Variants in CNTLN observed in about 807,000 individuals in gnomAD.
CNTLN encodes the protein centlein, centrosomal protein.
CNTLN carries 212 observed loss-of-function variants against 180.0 expected under a neutral mutation model. That is an observed-to-expected ratio of 1.18 (90% CI 1.05 to 1.32). The LOEUF (loss-of-function observed/expected upper bound fraction) is 1.32, where lower values mean the gene tolerates loss of function less well. Ranked by LOEUF, CNTLN falls within the 40% of genes most tolerant of loss-of-function variation. The probability of loss-of-function intolerance (pLI) is 0.00; values close to 1 mark genes in which losing one functional copy is unlikely to be tolerated. For missense variants in CNTLN, 2,095 were observed against 1,610.9 expected (o/e 1.30, Z -5.14); for synonymous variants, 722 against 563.1 (o/e 1.28, Z -3.99).
chr9:17,430,689 C>T lies in CNTLN; in HGVS notation c.3114+14500C>T, dbSNP rs553060424. ...TATTTTTGTACACATTAACCAAGTTCTCTTCACCCCGACGCCTGCCACCCT... is the reference window on the plus strand; with the variant it reads ...TATTTTTGTACACATTAACCAAGTTTTCTTCACCCCGACGCCTGCCACCCT... On this transcript the variant is annotated intron_variant, in intron 18 of 25. Transcript: ENST00000380647. Among the ~76,000 whole-genome samples the T allele has an allele frequency of 3.2e-4, 49 of 152,212 alleles. 1 individual carries two copies. Among genetic ancestry groups the T allele is most frequent in the South Asian group, 3.1e-3 (15 of 4,816 alleles).
intron 25 of CNTLN, among the ~76,000 whole-genome samples, chr9:17,495,240 A>T (rs567319114): frequency 6.6e-6 from 1 of 152,148 alleles, no homozygotes; most frequent in South Asian, 2.1e-4. Context: ...TAAAAAAAAA[A>T]ACTTAACTGT....
intron 2 of CNTLN, among the ~76,000 whole-genome samples, chr9:17,201,756 T>C (rs574768802): frequency 6.6e-6 from 1 of 152,252 alleles, no homozygotes; most frequent in African/African-American, 2.4e-5. Flanking sequence ...GCTAGTGATC[T>C]ATTTTGTCAA....
chr9:17,184,320 C>CAT (rs72548959), intron 2 of CNTLN, among the ~76,000 whole-genome samples: 39,512 of 151,880 alleles, frequency 0.26, 6,728 homozygotes, highest in African/African-American at 0.49. Flanking sequence ...TTTGTTATAA[C>CAT]AGAGCACATT....
At chr9:17,264,763 G>A (rs1334855512) in intron 5 of CNTLN, among the ~76,000 whole-genome samples, 5 of 152,040 alleles carry the variant, frequency 3.3e-5, no homozygotes, top group African/African-American at 1.2e-4. Flanking sequence ...CACATCCCTT[G>A]TAATTTGGAT....
intron 18 of CNTLN, among the ~76,000 whole-genome samples, chr9:17,427,388 G>T (rs1339454300): frequency 6.6e-6 from 1 of 150,634 alleles, no homozygotes; most frequent in Non-Finnish European, 1.5e-5. Context: ...TTGTCTTCCA[G>T]ACTGCCAATC....
intron 12 of CNTLN, among the ~76,000 whole-genome samples, chr9:17,349,661 A>G (rs538258818): frequency 1.3e-5 from 2 of 152,252 alleles, no homozygotes; most frequent in South Asian, 4.1e-4. Flanking sequence ...AAAAACTTAC[A>G]TGGAATATAG....
intron 20 of CNTLN, among the ~76,000 whole-genome samples, chr9:17,463,290 A>G (rs370063110): frequency 6.6e-6 from 1 of 151,662 alleles, no homozygotes; most frequent in East Asian, 1.9e-4. Context: ...CAATGAATGA[A>G]AAACTTTACA....
the CNTLN span, among the ~76,000 whole-genome samples, chr9:17,515,313 G>A: frequency 1.3e-5 from 2 of 152,164 alleles, no homozygotes; most frequent in African/African-American, 2.4e-5. Flanking sequence ...AATTCTAAAT[G>A]TTAGGGGTAC....
At chr9:17,144,020 T>C (rs1434794565) in intron 2 of CNTLN, among the ~76,000 whole-genome samples, 1 of 152,204 alleles carries the variant, frequency 6.6e-6, no homozygotes, top group Non-Finnish European at 1.5e-5. Context: ...TCTTAGTAAA[T>C]GGATTTCATT....
intron 5 of CNTLN, among the ~76,000 whole-genome samples, chr9:17,262,192 G>C (rs137894953): frequency 6.6e-6 from 1 of 151,164 alleles, no homozygotes; most frequent in African/African-American, 2.5e-5. Flanking sequence ...CTAGAACCAG[G>C]AACACCATTT....
intron 12 of CNTLN, among the ~76,000 whole-genome samples, chr9:17,359,395 C>CTAA (rs931637709): frequency 2.6e-5 from 4 of 151,866 alleles, no homozygotes; most frequent in African/African-American, 9.7e-5. Flanking sequence ...AAACCAAGAA[C>CTAA]TTAATGTTCA....
intron 2 of CNTLN, among the ~76,000 whole-genome samples, chr9:17,156,431 CT>C (rs1234026273): frequency 6.6e-6 from 1 of 151,950 alleles, no homozygotes; most frequent in Non-Finnish European, 1.5e-5. Context: ...TGGTTTGTTC[CT>C]AGGAGGATCA....
At chr9:17,200,622 A>G (rs1000401516) in intron 2 of CNTLN, among the ~76,000 whole-genome samples, 1 of 152,002 alleles carries the variant, frequency 6.6e-6, no homozygotes, top group Non-Finnish European at 1.5e-5. Context: ...TTCAGTCATG[A>G]TTTGGCTCTC....
intron 14 of CNTLN, among the ~76,000 whole-genome samples, chr9:17,389,580 A>G (rs1002352539): frequency 1.8e-3 from 89 of 48,372 alleles, no homozygotes; most frequent in African/African-American, 4.1e-3. Context: ...TTGGTATACT[A>G]TTTTTTATAT....
chr9:17,347,393 G>A (rs1190101955), intron 12 of CNTLN, among the ~76,000 whole-genome samples: 1 of 152,260 alleles, frequency 6.6e-6, no homozygotes, highest in African/African-American at 2.4e-5. Flanking sequence ...TGTTGCTGGG[G>A]CACAGTGGCT....
At chr9:17,473,389 CTG>C (rs3084536) in intron 23 of CNTLN, among the ~76,000 whole-genome samples, 7,131 of 152,150 alleles carry the variant, frequency 0.047, 194 homozygotes, top group Middle Eastern at 0.11. Flanking sequence ...CCTCCCAAAT[CTG>C]TACCCACATA....
In CNTLN at chr9:17,332,661, A is replaced by G; in HGVS notation, c.1575A>G (p.Ser525=). ...SLSPKSSFTD[S]EELQKLRKAE... ...CCCCAAAGAGCTCTTTCACAGACTC[A>G]GAAGAGCTACAGAAGCTGAGAAAAG... Residue 525 remains serine (S), a synonymous_variant, in exon 10 of 26, where the codon TCA becomes TCG. Coordinates refer to ENST00000380647, the MANE Select transcript of CNTLN (RefSeq NM_017738.4). 6.2e-7 allele frequency: 1 copy of G among 1,609,258 alleles called. No individual in the cohort carries two copies. The highest frequency in any genetic ancestry group is 8.5e-7 in the Non-Finnish European group (1 of 1,177,918).
At chr9:17,263,197 C>G (rs1265814343) in intron 5 of CNTLN, among the ~76,000 whole-genome samples, 1 of 121,072 alleles carries the variant, frequency 8.3e-6, no homozygotes, top group South Asian at 3.5e-4. Context: ...CCCCCCTCCC[C>G]CCACCCCACA....
downstream of CNTLN, among the ~76,000 whole-genome samples, chr9:17,508,023 C>T (rs73422358): frequency 0.02 from 3,099 of 152,154 alleles, 94 homozygotes; most frequent in African/African-American, 0.069. Context: ...CTGACCCTAG[C>T]GTGAAGGCCT....
Sources: gnomAD v4.1 joint callset for allele counts (sites outside exome capture counted in the v4.1 genomes callset) on GRCh38, gnomAD v4.1.1 for gene constraint, MANE v1.5 for transcripts, NCBI Gene and HGNC (gene_info 2026-07-23, HGNC 2026-07-21) for gene names.